The following DUSP10 variants were observed in gnomAD, a reference collection of about 807,000 sequenced individuals.
DUSP10 encodes the protein dual specificity phosphatase 10.
DUSP10 carries 14 observed loss-of-function variants against 30.8 expected under a neutral mutation model. That is an observed-to-expected ratio of 0.46 (90% CI 0.30 to 0.71). DUSP10 has a LOEUF of 0.71. DUSP10 is among the 30% of genes least tolerant of loss of function. The pLI is 0.08. For synonymous variants in DUSP10, 254 were observed against 250.4 expected, an observed-to-expected ratio of 1.01 and a Z score of -0.14; for missense variants, 550 against 619.4, an observed-to-expected ratio of 0.89 and a Z score of 1.19.
At chr1:221,718,025 C>T (rs1661163092) in intron 2 of DUSP10, among the ~76,000 whole-genome samples, 1 of 150,878 alleles carries the variant, frequency 6.6e-6, no homozygotes, top group Non-Finnish European at 1.5e-5. Context: ...AGAACAAAGC[C>T]CCTGAGAGCC....
intron 2 of DUSP10, among the ~76,000 whole-genome samples, chr1:221,729,670 C>T (rs1661524276): frequency 6.6e-6 from 1 of 152,186 alleles, no homozygotes; most frequent in African/African-American, 2.4e-5. Flanking sequence ...TTCTTCCAAA[C>T]TATCTGGAAA....
intron 2 of DUSP10, among the ~76,000 whole-genome samples, chr1:221,710,115 G>T (rs1660891100): frequency 6.6e-6 from 1 of 152,098 alleles, no homozygotes; most frequent in South Asian, 2.1e-4. Context: ...ACCCATCAGG[G>T]TCATAGTTCA....
intron 2 of DUSP10, among the ~76,000 whole-genome samples, chr1:221,718,431 G>A (rs1661181537): frequency 6.6e-6 from 1 of 151,968 alleles, no homozygotes; most frequent in Non-Finnish European, 1.5e-5. Context: ...ACTTAATACT[G>A]GTTAATCCAT....
intron 2 of DUSP10, among the ~76,000 whole-genome samples, chr1:221,717,667 T>A (rs1661148869): frequency 6.6e-6 from 1 of 152,044 alleles, no homozygotes; most frequent in Non-Finnish European, 1.5e-5. Flanking sequence ...GTCATGAGGG[T>A]AGGGCTCCTG....
At chr1:221,709,768 A>C (rs540961459) in intron 2 of DUSP10, among the ~76,000 whole-genome samples, 28 of 151,948 alleles carry the variant, frequency 1.8e-4, no homozygotes, top group African/African-American at 6.8e-4. Flanking sequence ...TGAAATCTGG[A>C]GGGGAGGGGG....
At chr1:221,703,188 T>G (rs187621583) in intron 3 of DUSP10, among the ~76,000 whole-genome samples, 2 of 139,216 alleles carry the variant, frequency 1.4e-5, no homozygotes, top group African/African-American at 5.9e-5. Context: ...TATATGTATA[T>G]GTATGTGTGT....
intron 2 of DUSP10, among the ~76,000 whole-genome samples, chr1:221,707,377 G>A (rs1008314246): frequency 5.9e-5 from 9 of 152,118 alleles, no homozygotes; most frequent in African/African-American, 1.4e-4. Context: ...AGAGCAGCGC[G>A]GTTGCTTACT....
rs1661881469 is a variant in DUSP10, at chr1:221,739,391, GA to G, written c.353del (p.Val118AlafsTer10). The G allele has an allele frequency of 6.2e-7, 1 of 1,614,036 alleles. No homozygotes were observed. The highest frequency in any genetic ancestry group is 8.5e-7 in the Non-Finnish European group (1 of 1,180,034). ...GAGAGCCTGTATTCTCATTATTGTT[GA>G]CCATCTGGTTAGCAGGGCAGGTGGT... ...TSTTCPANQMVNNNENTGSLS... is the reference protein window; with the variant it reads ...TSTTCPANQMXNNNENTGSLS... On this transcript the variant is annotated frameshift_variant, in exon 2 of 4. Coordinates refer to ENST00000366899, the MANE Select transcript of DUSP10 (RefSeq NM_007207.6). LOFTEE classifies it high-confidence loss of function.
chr1:221,711,653 A>G lies in DUSP10; in HGVS notation c.812-5187T>C, dbSNP rs77054345. On this transcript the variant is annotated intron_variant, in intron 2 of 3. Coordinates refer to ENST00000366899, the MANE Select transcript of DUSP10 (RefSeq NM_007207.6). ...ATCACTTACCTTGTAACCTTGAGCA[A>G]GTTATTGATGTCTCTGCATCTCAGT... 1,133 of 152,322 alleles carry G rather than the reference A, an allele frequency of 7.4e-3. 12 individuals carry two copies. The highest frequency in any genetic ancestry group is 0.026 in the African/African-American group (1,082 of 41,558). 9.4% of individuals were successfully genotyped at this position (152,322 alleles called of 1,614,324 possible). A position where few individuals can be genotyped will look rare whatever the true frequency, so the allele number is the denominator to read the frequency against.
At chr1:221,729,732 C>T (rs1661526639) in intron 2 of DUSP10, among the ~76,000 whole-genome samples, 1 of 152,198 alleles carries the variant, frequency 6.6e-6, no homozygotes, top group Non-Finnish European at 1.5e-5. Flanking sequence ...CAGAGTAGTT[C>T]TATGTGATTA....
intron 2 of DUSP10, among the ~76,000 whole-genome samples, chr1:221,724,249 T>C (rs946742525): frequency 6.6e-6 from 1 of 152,156 alleles, no homozygotes; most frequent in African/African-American, 2.4e-5. Context: ...CTCAATTGCC[T>C]CATCTAAAAA....
chr1:221,739,575 T>A lies in DUSP10; in HGVS notation c.170A>T (p.Asn57Ile). The change falls in exon 2 of 4, where the codon AAT becomes ATT. Residue 57 changes from asparagine (N) to isoleucine (I), a missense_variant. Coordinates refer to ENST00000366899, the MANE Select transcript of DUSP10 (RefSeq NM_007207.6). Reference protein sequence around the residue: ...ATTVVSLKAANLTYMPSSSGS... With the variant: ...ATTVVSLKAAILTYMPSSSGS... ...GCTGGATGAGGGCATATACGTCAGA[T>A]TCGCAGCCTTGAGGGACACAACGGT... 1 of 1,614,164 alleles carries A rather than the reference T, an allele frequency of 6.2e-7. No homozygotes were observed. The highest frequency in any genetic ancestry group is 2.2e-5 in the East Asian group (1 of 44,876).
chr1:221,713,489 A>ATTTTTGAAATGCATACTTCTATGC (rs1661007378), intron 2 of DUSP10, among the ~76,000 whole-genome samples: 1 of 152,184 alleles, frequency 6.6e-6, no homozygotes, highest in Non-Finnish European at 1.5e-5. Context: ...TACTTCTAGA[A>ATTTTTGAAATGCATACTTCTATGC]ATTTTTGAAA....
At chr1:221,728,282 T>C (rs6604668) in intron 2 of DUSP10, among the ~76,000 whole-genome samples, 107,576 of 151,682 alleles carry the variant, frequency 0.71, 39,537 homozygotes, top group African/African-American at 0.89. Context: ...TGTGACGAAA[T>C]CTTATAGTTG....
chr1:221,704,979 T>C (rs1214199278), intron 3 of DUSP10, among the ~76,000 whole-genome samples: 1 of 152,060 alleles, frequency 6.6e-6, no homozygotes, highest in African/African-American at 2.4e-5. Flanking sequence ...CTTCCTGGAA[T>C]AACAACCTGC....
intron 3 of DUSP10, among the ~76,000 whole-genome samples, chr1:221,704,827 T>C (rs1660707619): frequency 6.6e-6 from 1 of 152,168 alleles, no homozygotes; most frequent in Admixed American, 6.5e-5. Flanking sequence ...GCTGACGGCA[T>C]AATTAGCAAG....
intron 2 of DUSP10, among the ~76,000 whole-genome samples, chr1:221,737,751 A>T (rs1375404411): frequency 2.0e-5 from 3 of 152,242 alleles, no homozygotes. Context: ...ACTGCTTAAC[A>T]AAAGGCAGAA....
At chr1:221,703,390 A>G (rs907923207) in intron 3 of DUSP10, among the ~76,000 whole-genome samples, 1 of 152,216 alleles carries the variant, frequency 6.6e-6, no homozygotes, top group Non-Finnish European at 1.5e-5. Flanking sequence ...TTAAATGGAT[A>G]AGAGTTTTAG....
rs1173757463 is a variant in DUSP10, at chr1:221,701,818, A to G, written c.*594T>C. On this transcript the variant is annotated 3_prime_UTR_variant, in exon 4 of 4. Coordinates refer to ENST00000366899, the MANE Select transcript of DUSP10 (RefSeq NM_007207.6). ...AATCTCTTAAACCCAGAGAAGGAAA[A>G]AAAAAAAAAATCCAGAGCATGAAAC... 4 of 152,470 alleles carry G rather than the reference A, an allele frequency of 2.6e-5. No homozygotes were observed. Among genetic ancestry groups the G allele is most frequent in the Non-Finnish European group, 5.9e-5 (4 of 68,030 alleles). The allele number at this position is 152,470 out of a possible 1,614,324, so 9.4% of individuals were successfully genotyped here.
Sources: gnomAD v4.1 joint callset for allele counts (sites outside exome capture counted in the v4.1 genomes callset) on GRCh38, gnomAD v4.1.1 for gene constraint, MANE v1.5 for transcripts, NCBI Gene and HGNC (gene_info 2026-07-23, HGNC 2026-07-21) for gene names.